Variants in ANKRD7 observed in about 807,000 individuals in gnomAD.
The protein encoded by ANKRD7 is ankyrin repeat domain 7.
A neutral mutation model predicts 30.8 loss-of-function variants in ANKRD7; 30 were observed. That is an observed-to-expected ratio of 0.97 (90% CI 0.73 to 1.32). The LOEUF (loss-of-function observed/expected upper bound fraction) is 1.32, where lower values mean the gene tolerates loss of function less well. Among genes scored for constraint, ANKRD7 ranks in the 40% most tolerant of loss-of-function variants. ANKRD7 has a pLI of 0.00. For synonymous variants in ANKRD7, 97 were observed against 106.6 expected, an observed-to-expected ratio of 0.91 and a Z score of 0.55; for missense variants, 264 against 295.7, an observed-to-expected ratio of 0.89 and a Z score of 0.79.
intron 1 of ANKRD7, among the ~76,000 whole-genome samples, chr7:118,226,406 C>G (rs749016127): frequency 6.6e-6 from 1 of 152,038 alleles, no homozygotes; most frequent in South Asian, 2.1e-4. Flanking sequence ...TTTGACTCCC[C>G]CAGAACTTAA....
intron 1 of ANKRD7, among the ~76,000 whole-genome samples, chr7:118,233,485 A>T (rs1426015353): frequency 6.6e-6 from 1 of 152,004 alleles, no homozygotes; most frequent in Non-Finnish European, 1.5e-5. Flanking sequence ...GTTTATTGCC[A>T]TAGATGGTAA....
chr7:118,239,750 G>A (rs1311893389), intron 5 of ANKRD7, 159 bp from the exon 6 acceptor site: 1 of 378,960 alleles, frequency 2.6e-6, no homozygotes, highest in Non-Finnish European at 4.8e-6. Flanking sequence ...AAATAAAAGT[G>A]GTGTCTGTTG....
intron 6 of ANKRD7, 149 bp from the exon 7 acceptor site, chr7:118,242,200 A>G (rs1809858810): frequency 6.6e-6 from 1 of 152,242 alleles, no homozygotes; most frequent in Non-Finnish European, 1.5e-5. Context: ...TTCAAAAGAG[A>G]CTACTTAATT....
Position 118,239,936 on chromosome 7 carries a change from A to G in ANKRD7, c.740A>G (p.His247Arg). The G allele has an allele frequency of 6.3e-7, 1 of 1,598,666 alleles. No homozygotes were observed. Among genetic ancestry groups the G allele is most frequent in the Non-Finnish European group, 8.5e-7 (1 of 1,170,232 alleles). The stretch of plus-strand genomic sequence containing the variant: ...AGATACCCACAATTCACTGCGAGCC[A>G]TGGAAAGAAGAAACATGCTAAATAG... ...LHRYPQFTAS[H>R]GKKKHAK is the part of the protein sequence containing the mutation. Residue 247 changes from histidine (H) to arginine (R), a missense_variant, in exon 6 of 7, where the codon CAT becomes CGT. His to Arg is a conservative substitution (Grantham distance 29, BLOSUM62 0). Transcript: ENST00000265224.
At chr7:118,227,920 TAA>T in intron 1 of ANKRD7, 1 of 1,345,142 alleles carries the variant, frequency 7.4e-7, no homozygotes, top group Admixed American at 2.0e-5. Flanking sequence ...TTTTTTTTTT[TAA>T]CAAAAACAGT....
chr7:118,237,164 G>T (rs1433079071), intron 5 of ANKRD7, among the ~76,000 whole-genome samples: 1 of 152,146 alleles, frequency 6.6e-6, no homozygotes, highest in Non-Finnish European at 1.5e-5. Flanking sequence ...CCAGGGTAGG[G>T]ATTTAGACAC....
intron 3 of ANKRD7, among the ~76,000 whole-genome samples, chr7:118,235,284 A>T (rs1293545972): frequency 6.6e-6 from 1 of 152,184 alleles, no homozygotes; most frequent in Admixed American, 6.5e-5. Context: ...TAACTCTTCT[A>T]TTGAGGCATT....
At chr7:118,240,906 G>A (rs372340541) in intron 6 of ANKRD7, among the ~76,000 whole-genome samples, 16 of 151,746 alleles carry the variant, frequency 1.1e-4, no homozygotes, top group East Asian at 3.9e-4. Flanking sequence ...TGTAATCCCA[G>A]CACTTTGGGA....
chr7:118,230,865 G>A (rs975385823), intron 1 of ANKRD7, among the ~76,000 whole-genome samples: 5 of 151,900 alleles, frequency 3.3e-5, no homozygotes, highest in Non-Finnish European at 5.9e-5. Flanking sequence ...GAAGCATTGT[G>A]CTTAAGGTCT....
intron 6 of ANKRD7, 89 bp from the exon 7 acceptor site, chr7:118,242,260 T>C (rs551719801): frequency 1.3e-5 from 2 of 152,334 alleles, no homozygotes; most frequent in Admixed American, 6.5e-5. Context: ...AATTGTGTTG[T>C]AGCTGAGGCA....
intron 1 of ANKRD7, among the ~76,000 whole-genome samples, chr7:118,228,976 T>C (rs2115998328): frequency 6.6e-6 from 1 of 152,310 alleles, no homozygotes; most frequent in East Asian, 1.9e-4. Context: ...TCCATCTTAC[T>C]AGGGGTAAAA....
intron 6 of ANKRD7, among the ~76,000 whole-genome samples, chr7:118,240,536 T>G (rs1809813317): frequency 1.3e-5 from 2 of 152,192 alleles, no homozygotes; most frequent in South Asian, 4.1e-4. Flanking sequence ...TGAATATTTG[T>G]GATTAAAATA....
rs558021526 is a variant in ANKRD7, at chr7:118,226,805, A to C, written c.179+1796A>C. ...ACATGTTTCATCTGCTAGTTTTTTC[A>C]AATTGTTGCAAATTTCCAAAATTTT... On this transcript the variant is annotated intron_variant, in intron 1 of 6. Transcript: ENST00000265224. Among the ~76,000 whole-genome samples the C allele has an allele frequency of 4.7e-4, 71 of 152,192 alleles. 1 individual carries two copies. In the Middle Eastern group the frequency reaches 0.01, roughly 22 times the overall value.
chr7:118,236,099 T>C lies in ANKRD7; in HGVS notation c.527T>C (p.Phe176Ser). 3.1e-6 allele frequency: 5 copies of C among 1,609,202 alleles called. No homozygotes were observed. Among genetic ancestry groups the C allele is most frequent in the Non-Finnish European group, 4.3e-6 (5 of 1,176,360 alleles). ...AACAATAATCCAAAAATGGTAAAAT[T>C]TCTTCTGGAGAAAGGGGCTGATGTG... ...VINNNPKMVKFLLEKGADVNA... is the reference protein window; with the variant it reads ...VINNNPKMVKSLLEKGADVNA... Residue 176 changes from phenylalanine to serine, a missense_variant, in exon 4 of 7, where the codon TTT becomes TCT. Coordinates refer to ENST00000265224, the MANE Select transcript of ANKRD7 (RefSeq NM_019644.4).
chr7:118,224,849 T>C lies in ANKRD7; in HGVS notation c.19T>C (p.Phe7Leu). 1 of 1,613,168 alleles carries C rather than the reference T, an allele frequency of 6.2e-7. No homozygotes were observed. The change falls in exon 1 of 7, where the codon TTC becomes CTC. Residue 7 changes from phenylalanine to leucine, a missense_variant. Physicochemically the swap from Phe to Leu is conservative, Grantham distance 22 (BLOSUM62 0). Transcript: ENST00000265224. Reference sequence around the variant, plus strand: ...CACCGCCATGAATAAGCTTTTCAGCTTCTGGAAGAGGAAGAATGAGACCCG... The same window carrying C: ...CACCGCCATGAATAAGCTTTTCAGCCTCTGGAAGAGGAAGAATGAGACCCG... MNKLFS[F>L]WKRKNETRSQ... is the part of the protein sequence containing the mutation.
intron 1 of ANKRD7, among the ~76,000 whole-genome samples, chr7:118,225,553 AC>A (rs941879719): frequency 3.3e-5 from 5 of 151,496 alleles, no homozygotes; most frequent in Non-Finnish European, 7.4e-5. Flanking sequence ...CTCTCCTCTG[AC>A]TGGCTTAGTC....
intron 1 of ANKRD7, among the ~76,000 whole-genome samples, chr7:118,226,577 T>C (rs1266319407): frequency 6.6e-6 from 1 of 152,226 alleles, no homozygotes; most frequent in East Asian, 1.9e-4. Flanking sequence ...ATATATTTAC[T>C]GTTAAGTTGA....
At chr7:118,231,761 A>G (rs1809642473) in intron 1 of ANKRD7, among the ~76,000 whole-genome samples, 1 of 152,086 alleles carries the variant, frequency 6.6e-6, no homozygotes, top group South Asian at 2.1e-4. Context: ...ACCTGTCCAC[A>G]GTCTATGCTG....
At chr7:118,239,134 C>T (rs1309526215) in intron 5 of ANKRD7, among the ~76,000 whole-genome samples, 1 of 152,164 alleles carries the variant, frequency 6.6e-6, no homozygotes, top group Non-Finnish European at 1.5e-5. Context: ...GGCCATGGCC[C>T]AGACCTGGTC....
Sources: allele counts gnomAD v4.1 joint callset (sites outside exome capture counted in the v4.1 genomes callset), GRCh38; gene constraint gnomAD v4.1.1; transcripts MANE v1.5; gene names NCBI Gene and HGNC (gene_info 2026-07-23, HGNC 2026-07-21).